ARVCF: variants seen among roughly 807,000 people sequenced by gnomAD.
ARVCF encodes the protein ARVCF delta catenin family member.
Under a neutral mutation model 90.9 loss-of-function variants are expected in ARVCF, and 66 were observed. The ratio of observed to expected loss-of-function variants is 0.73; its 90% CI spans 0.60 to 0.89. ARVCF has a LOEUF of 0.89. Among genes scored for constraint, ARVCF ranks in the 40% least tolerant of loss-of-function variants. The pLI is 0.00. For synonymous variants in ARVCF, 653 were observed against 603.4 expected (o/e 1.08, Z -1.21); for missense variants, 1,469 against 1,382.3 (o/e 1.06, Z -1.00).
chr22:19,981,505 T>C lies in ARVCF; in HGVS notation c.602A>G (p.Tyr201Cys), dbSNP rs781583126. The change falls in exon 5 of 20, where the codon TAT becomes TGT. Residue 201 changes from tyrosine (Y) to cysteine (C), a missense_variant. Coordinates refer to ENST00000263207, the MANE Select transcript of ARVCF (RefSeq NM_001670.3). ...GCCCAGCCCTCGGGACAGGCTGCCA[T>C]AGCTGGGGCTGTCCCGGGGCTCGGG... ...EGPEPRDSPS[Y>C]GSLSRGLGMR... The C allele has an allele frequency of 5.8e-6, 9 of 1,561,930 alleles. No individual in the cohort carries two copies. Among genetic ancestry groups the C allele is most frequent in the Non-Finnish European group, 7.8e-6 (9 of 1,155,406 alleles).
intron 2 of ARVCF, among the ~76,000 whole-genome samples, chr22:20,001,494 C>T (rs1362950445): frequency 2.0e-5 from 3 of 152,196 alleles, no homozygotes; most frequent in East Asian, 3.8e-4. Flanking sequence ...ACTCCGCTGG[C>T]CACAGACCAC....
Position 19,977,978 on chromosome 22 carries a change from G to T in ARVCF, c.1678C>A (p.Arg560=), listed in dbSNP as rs139920129. ...LLHALQSAVG[R]KDTDNKSVEN... ...CCCACCTTGTTGTCAGTGTCCTTCC[G>T]GCCCACAGCCGACTGCAGGGCATGC... The change falls in exon 8 of 20, where the codon CGG becomes AGG. Residue 560 remains arginine, a synonymous_variant. Transcript: ENST00000263207. 55 of 1,609,490 alleles carry T rather than the reference G, an allele frequency of 3.4e-5. No individual in the cohort carries two copies. In the African/African-American group the frequency reaches 6.9e-4, roughly 20 times the overall value.
intron 2 of ARVCF, among the ~76,000 whole-genome samples, chr22:19,992,652 A>G (rs1379378664): frequency 6.6e-6 from 1 of 152,244 alleles, no homozygotes; most frequent in Admixed American, 6.5e-5. Context: ...AGCAAGGGAC[A>G]GAAGGAAATG....
chr22:19,967,854 G>A (rs181836260), downstream of ARVCF, among the ~76,000 whole-genome samples: 252 of 152,358 alleles, frequency 1.7e-3, no homozygotes, highest in Middle Eastern at 0.014. Flanking sequence ...TGATAGCATA[G>A]ATAGGCAAGC....
In ARVCF at chr22:19,978,957, T is replaced by A. The variant is rs777293808; in HGVS notation, c.1520A>T (p.Asp507Val). 1.9e-6 allele frequency: 3 copies of A among 1,612,976 alleles called. No individual in the cohort carries two copies. In the East Asian group the frequency reaches 6.7e-5, roughly 36 times the overall value. The change falls in exon 7 of 20, where the codon GAC becomes GTC. Residue 507 changes from aspartate (D) to valine (V), a missense_variant. Asp to Val is a radical substitution (Grantham distance 152). Transcript: ENST00000263207. The stretch of plus-strand genomic sequence containing the variant: ...CCACTCGGCGTCCCGTGGCTTGGAG[T>A]CCTCGTTGGGCTCACGCTCCCATCC... ...HSGWEREPNE[D>V]SKPRDAEWTT...
Position 19,970,478 on chromosome 22 carries a change from GC to G in ARVCF, c.*277del. On this transcript the variant is annotated 3_prime_UTR_variant, in exon 20 of 20. Transcript: ENST00000263207. Reference sequence around the variant, plus strand: ...TGCCACCTCCCTGGGCCCTGCCCCAGCAGCCCAGTCGGCCTCCTCGGGCCTT... The same window carrying G: ...TGCCACCTCCCTGGGCCCTGCCCCAGAGCCCAGTCGGCCTCCTCGGGCCTT... 9.1e-7 allele frequency: 1 copy of G among 1,101,130 alleles called. No individual in the cohort carries two copies. The highest frequency in any genetic ancestry group is 2.0e-5 in the South Asian group (1 of 49,608). 68.2% of individuals were successfully genotyped at this position (1,101,130 alleles called of 1,614,324 possible).
rs753627343 is a variant in ARVCF at position 19,973,052 on chromosome 22, CG to C, written c.2439-17del. On this transcript the variant is annotated splice_polypyrimidine_tract_variant and intron_variant, in intron 14 of 19. Coordinates refer to ENST00000263207, the MANE Select transcript of ARVCF (RefSeq NM_001670.3). The stretch of plus-strand genomic sequence containing the variant: ...TACCGATTGGCTGTGGGGCCGGGGG[CG>C]GGGTCAGTGGTGGCCCCTCCCCCAC... 5 of 1,609,324 alleles carry C rather than the reference CG, an allele frequency of 3.1e-6. No homozygotes were observed. The highest frequency in any genetic ancestry group is 3.4e-6 in the Non-Finnish European group (4 of 1,178,338).
chr22:19,968,878 C>A, downstream of ARVCF: 1 of 736,638 alleles, frequency 1.4e-6, no homozygotes, highest in Non-Finnish European at 2.3e-6. Context: ...CCCTGACATG[C>A]TAACCTCTCT....
In ARVCF at chr22:19,971,954, C is replaced by G. The variant is rs1366513066; in HGVS notation, c.2713G>C (p.Asp905His). 6.2e-7 allele frequency: 1 copy of G among 1,611,324 alleles called. No homozygotes were observed. Among genetic ancestry groups the G allele is most frequent in the Admixed American group, 1.7e-5 (1 of 59,886 alleles). Residue 905 changes from aspartate (D) to histidine (H), a missense_variant, in exon 18 of 20, where the codon GAC becomes CAC. Asp to His is a moderately conservative substitution (Grantham distance 81). Transcript: ENST00000263207. The stretch of plus-strand genomic sequence containing the variant: ...CCCCGTGGCCTCCGCTCCCTCCGGT[C>G]CACCGTGGAGTATCCGTCTGTAGAT... Reference protein sequence around the residue: ...ALGPDGYSTVDRRERRPRGAS... With the variant: ...ALGPDGYSTVHRRERRPRGAS...
chr22:19,966,703 A>G (rs936792609), downstream of ARVCF, among the ~76,000 whole-genome samples: 1 of 151,912 alleles, frequency 6.6e-6, no homozygotes, highest in African/African-American at 2.4e-5. Context: ...AACCTCCCAA[A>G]GTGCTGGGAG....
At chr22:20,003,867 G>C (rs1273819829) in intron 2 of ARVCF, among the ~76,000 whole-genome samples, 1 of 77,630 alleles carries the variant, frequency 1.3e-5, no homozygotes, top group South Asian at 3.7e-4. Flanking sequence ...GTTTTAGACA[G>C]AGTAATTAGG....
At chr22:20,007,908 T>C (rs2146484448) in intron 2 of ARVCF, among the ~76,000 whole-genome samples, 1 of 152,314 alleles carries the variant, frequency 6.6e-6, no homozygotes, top group South Asian at 2.1e-4. Flanking sequence ...AAATGCTGTG[T>C]ACAAAACTAA....
rs1377424355 is a variant in ARVCF, at chr22:19,970,719, A to G, written c.*37T>C. 7.8e-7 allele frequency: 1 copy of G among 1,286,466 alleles called. No individual in the cohort carries two copies. Among genetic ancestry groups the G allele is most frequent in the Admixed American group, 2.3e-5 (1 of 43,194 alleles). The allele number at this position is 1,286,466 out of a possible 1,614,324, so 79.7% of individuals were successfully genotyped here. ...GCCCTTCTTCCACGATCCAAGCCCT[A>G]AGAACAAGAGGCTGGGCCTGGGCCC... On this transcript the variant is annotated 3_prime_UTR_variant, in exon 20 of 20. Coordinates refer to ENST00000263207, the MANE Select transcript of ARVCF (RefSeq NM_001670.3).
intron 3 of ARVCF, 54 bp from the exon 4 acceptor site, chr22:19,982,145 G>A: frequency 6.3e-7 from 1 of 1,592,318 alleles, no homozygotes; most frequent in Non-Finnish European, 8.5e-7. Flanking sequence ...CACCCCTGGA[G>A]TGCAGGTCTC....
downstream of ARVCF, chr22:19,968,928 A>G (rs529947354): frequency 2.9e-4 from 171 of 599,588 alleles, no homozygotes; most frequent in East Asian, 4.6e-3. Flanking sequence ...AGACTCAATC[A>G]TGACTTCTTT....
intron 2 of ARVCF, among the ~76,000 whole-genome samples, chr22:19,992,715 A>G (rs895585800): frequency 3.3e-5 from 5 of 152,184 alleles, no homozygotes; most frequent in Non-Finnish European, 7.4e-5. Context: ...CACTGGCCTC[A>G]TGGACCTGGG....
Position 19,981,312 on chromosome 22 carries a change from C to G in ARVCF, c.795G>C (p.Thr265=). The stretch of plus-strand genomic sequence containing the variant: ...CCTCGTCATCAGCGGCCAGGCTGCG[C>G]GTGTCATCCTCCAAGCCATACGGCT... ...QAEPYGLEDD[T]RSLAADDEGG... is the part of the protein sequence containing the mutation. The change falls in exon 5 of 20, where the codon ACG becomes ACC. Residue 265 remains threonine, a synonymous_variant. Transcript: ENST00000263207. 1 of 1,598,922 alleles carries G rather than the reference C, an allele frequency of 6.3e-7. No homozygotes were observed. Among genetic ancestry groups the G allele is most frequent in the Non-Finnish European group, 8.5e-7 (1 of 1,174,108 alleles).
At chr22:19,973,431 G>A in intron 13 of ARVCF, 114 bp from the exon 14 acceptor site, 1 of 1,344,300 alleles carries the variant, frequency 7.4e-7, no homozygotes, top group Non-Finnish European at 9.9e-7. Context: ...GACCGCCTGT[G>A]TGCAGGCGGT....
At position 19,978,968 on chromosome 22, in the gene ARVCF, C is replaced by T. The variant is rs776055744; in HGVS notation, c.1509G>A (p.Glu503=). ...VIVPHSGWER[E]PNEDSKPRDA... Reference sequence around the variant, plus strand: ...CCCGTGGCTTGGAGTCCTCGTTGGGCTCACGCTCCCATCCTGAGTGGGGCA... The same window carrying T: ...CCCGTGGCTTGGAGTCCTCGTTGGGTTCACGCTCCCATCCTGAGTGGGGCA... The change falls in exon 7 of 20, where the codon GAG becomes GAA. Residue 503 remains glutamate, a synonymous_variant. Transcript: ENST00000263207. 1.9e-6 allele frequency: 3 copies of T among 1,613,362 alleles called. No homozygotes were observed. In the Admixed American group the frequency reaches 5.0e-5, roughly 27 times the overall value.
Sources: gnomAD v4.1 joint callset for allele counts (sites outside exome capture counted in the v4.1 genomes callset) on GRCh38, gnomAD v4.1.1 for gene constraint, MANE v1.5 for transcripts, NCBI Gene and HGNC (gene_info 2026-07-23, HGNC 2026-07-21) for gene names.